The following TMEM132D variants were observed in gnomAD, a reference collection of about 807,000 sequenced individuals.
TMEM132D encodes the protein mature OL transmembrane protein.
In TMEM132D, 21 loss-of-function variants were observed where a neutral mutation model predicts 62.3. That is an observed-to-expected ratio of 0.34 (90% confidence interval 0.24 to 0.49). The LOEUF (loss-of-function observed/expected upper bound fraction) is 0.49, where lower values mean the gene tolerates loss of function less well. Among genes scored for constraint, TMEM132D ranks in the 20% least tolerant of loss-of-function variants. The pLI, the probability that TMEM132D is intolerant of heterozygous loss-of-function variation, is 0.99. For missense variants in TMEM132D, 1,346 were observed against 1,402.8 expected (o/e 0.96, Z 0.65); for synonymous variants, 621 against 575.6 (o/e 1.08, Z -1.13).
In TMEM132D at chr12:129,074,528, T is replaced by C; in HGVS notation, c.2647A>G (p.Ser883Gly). Residue 883 changes from serine to glycine, a missense_variant, in exon 9 of 9, where the codon AGC (serine) becomes GGC (glycine). Coordinates refer to ENST00000422113, the MANE Select transcript of TMEM132D (RefSeq NM_133448.3). Reference sequence around the variant, plus strand: ...TGGGCTGGGAAGCTGGTGAGGTCGCTGGGGATGGTCTGCAAGTGGCTGTTG... The same window carrying C: ...TGGGCTGGGAAGCTGGTGAGGTCGCCGGGGATGGTCTGCAAGTGGCTGTTG... Reference protein sequence around the residue: ...DDNSHLQTIPSDLTSFPAQVD... With the variant: ...DDNSHLQTIPGDLTSFPAQVD... The C allele has an allele frequency of 6.2e-7, 1 of 1,614,100 alleles. No individual in the cohort carries two copies. Among genetic ancestry groups the C allele is most frequent in the Non-Finnish European group, 8.5e-7 (1 of 1,180,026 alleles).
At chr12:129,688,037 G>A (rs1234859002) in intron 2 of TMEM132D, among the ~76,000 whole-genome samples, 3 of 152,082 alleles carry the variant, frequency 2.0e-5, no homozygotes, top group African/African-American at 7.2e-5. Flanking sequence ...CATAAGCCTT[G>A]ACCAAACACA....
rs2137225385 is a variant in TMEM132D at position 129,699,899 on chromosome 12, G to C, written c.879C>G (p.His293Gln). ...CTTTCCTCACGGTCTTTGGTATATAGTGGATGGCCACGCTGTTGTCCAGAC... is the reference window on the plus strand; with the variant it reads ...CTTTCCTCACGGTCTTTGGTATATACTGGATGGCCACGCTGTTGTCCAGAC... ...ELRLDNSVAI[H>Q]YIPKTVRKGD... Residue 293 changes from histidine (H) to glutamine (Q), a missense_variant, in exon 2 of 9, where the codon CAC becomes CAG. His to Gln is a conservative substitution (Grantham distance 24). Coordinates refer to ENST00000422113, the MANE Select transcript of TMEM132D (RefSeq NM_133448.3). 1 of 1,614,176 alleles carries C rather than the reference G, an allele frequency of 6.2e-7. No individual in the cohort carries two copies. Among genetic ancestry groups the C allele is most frequent in the Non-Finnish European group, 8.5e-7 (1 of 1,180,038 alleles).
intron 1 of TMEM132D, among the ~76,000 whole-genome samples, chr12:129,888,255 C>T (rs1302095456): frequency 3.3e-5 from 5 of 152,154 alleles, no homozygotes; most frequent in African/African-American, 1.2e-4. Context: ...CAAAAGCTTA[C>T]ATTTCATTTA....
intron 3 of TMEM132D, among the ~76,000 whole-genome samples, chr12:129,466,412 A>C (rs1873906792): frequency 1.3e-5 from 2 of 148,160 alleles, no homozygotes; most frequent in Non-Finnish European, 3.0e-5. Flanking sequence ...CCTGGGCTAA[A>C]GCAATCCTCC....
intron 2 of TMEM132D, among the ~76,000 whole-genome samples, chr12:129,556,851 C>T (rs1877075210): frequency 1.3e-5 from 2 of 152,152 alleles, no homozygotes; most frequent in African/African-American, 2.4e-5. Flanking sequence ...ACTGCCATCA[C>T]CACAGAAAAT....
At chr12:129,243,634 G>C (rs1301390676) in intron 4 of TMEM132D, among the ~76,000 whole-genome samples, 2 of 151,912 alleles carry the variant, frequency 1.3e-5, no homozygotes, top group African/African-American at 4.8e-5. Context: ...CCTAACACAG[G>C]GCTTCATCTC....
chr12:129,284,641 T>C (rs1276397213), intron 4 of TMEM132D, among the ~76,000 whole-genome samples: 1 of 152,204 alleles, frequency 6.6e-6, no homozygotes, highest in Non-Finnish European at 1.5e-5. Context: ...CCATGTACAA[T>C]AGGCAAGGGT....
chr12:129,349,645 C>G (rs1267726023), intron 3 of TMEM132D, among the ~76,000 whole-genome samples: 1 of 152,210 alleles, frequency 6.6e-6, no homozygotes, highest in Non-Finnish European at 1.5e-5. Flanking sequence ...AAGGCCTGTT[C>G]AGCACACGGG....
chr12:129,453,248 G>A (rs559780640), intron 3 of TMEM132D, among the ~76,000 whole-genome samples: 24 of 152,294 alleles, frequency 1.6e-4, no homozygotes, highest in Admixed American at 2.6e-4. Flanking sequence ...ATTGGGGACC[G>A]CTGTTTTAGA....
intron 4 of TMEM132D, among the ~76,000 whole-genome samples, chr12:129,252,537 A>G (rs959084434): frequency 6.6e-6 from 1 of 152,130 alleles, no homozygotes; most frequent in Admixed American, 6.5e-5. Context: ...AAAAGTCAGG[A>G]AACAACAGGT....
At chr12:129,234,297 G>A (rs936342839) in intron 4 of TMEM132D, among the ~76,000 whole-genome samples, 7 of 152,168 alleles carry the variant, frequency 4.6e-5, no homozygotes, top group African/African-American at 7.2e-5. Context: ...TGTGGAACCC[G>A]AGAAGCTATT....
At chr12:129,863,673 C>T (rs562985373) in intron 1 of TMEM132D, among the ~76,000 whole-genome samples, 76 of 152,262 alleles carry the variant, frequency 5.0e-4, no homozygotes, top group African/African-American at 1.8e-3. Context: ...GTAAAATCAG[C>T]TGTCCTCCCC....
chr12:129,456,091 T>C (rs1356304393), intron 3 of TMEM132D, among the ~76,000 whole-genome samples: 1 of 152,142 alleles, frequency 6.6e-6, no homozygotes, highest in Non-Finnish European at 1.5e-5. Context: ...ATTGGAGAAG[T>C]TAAAACAAAA....
chr12:129,386,107 C>A (rs1566052528), intron 3 of TMEM132D, among the ~76,000 whole-genome samples: 1 of 152,160 alleles, frequency 6.6e-6, no homozygotes, highest in Non-Finnish European at 1.5e-5. Context: ...TAGCTTATGG[C>A]AGCATACACC....
intron 5 of TMEM132D, among the ~76,000 whole-genome samples, chr12:129,194,235 C>A (rs773349078): frequency 3.9e-5 from 6 of 152,218 alleles, no homozygotes; most frequent in Non-Finnish European, 8.8e-5. Context: ...CCTAACCTCA[C>A]CCCTGTTTTC....
At chr12:129,602,485 G>A (rs1878506599) in intron 2 of TMEM132D, among the ~76,000 whole-genome samples, 1 of 152,118 alleles carries the variant, frequency 6.6e-6, no homozygotes, top group African/African-American at 2.4e-5. Context: ...CTGAAAAGTA[G>A]ATAAAAAGAC....
intron 3 of TMEM132D, among the ~76,000 whole-genome samples, chr12:129,366,720 C>A (rs1192817019): frequency 6.6e-6 from 1 of 152,108 alleles, no homozygotes; most frequent in African/African-American, 2.4e-5. Flanking sequence ...AAAGGAGCCA[C>A]AAGTATGCAA....
chr12:129,533,028 G>A (rs1388562628), intron 2 of TMEM132D, among the ~76,000 whole-genome samples: 1 of 152,116 alleles, frequency 6.6e-6, no homozygotes, highest in Non-Finnish European at 1.5e-5. Flanking sequence ...TGACTCGCTG[G>A]ACCTGGGGGT....
chr12:129,596,890 C>T (rs1480008028), intron 2 of TMEM132D, among the ~76,000 whole-genome samples: 2 of 152,078 alleles, frequency 1.3e-5, no homozygotes, highest in East Asian at 3.9e-4. Flanking sequence ...ATTGTCTGAG[C>T]TCCACAGCTA....
Sources: allele counts gnomAD v4.1 joint callset (sites outside exome capture counted in the v4.1 genomes callset), GRCh38; gene constraint gnomAD v4.1.1; transcripts MANE v1.5; gene names NCBI Gene and HGNC (gene_info 2026-07-23, HGNC 2026-07-21).